INPP4B: variants seen among roughly 807,000 people sequenced by gnomAD.
The protein encoded by INPP4B is inositol polyphosphate-4-phosphatase type II B.
INPP4B carries 55 observed loss-of-function variants against 122.5 expected under a neutral mutation model. The ratio of observed to expected loss-of-function variants is 0.45; its 90% confidence interval spans 0.36 to 0.56. INPP4B has a LOEUF of 0.56. INPP4B is among the 20% of genes least tolerant of loss of function. The probability of loss-of-function intolerance (pLI) is 0.00; values close to 1 mark genes in which losing one functional copy is unlikely to be tolerated. For synonymous variants in INPP4B, 403 were observed against 388.7 expected (o/e 1.04, Z -0.43); for missense variants, 1,000 against 1,097.7 (o/e 0.91, Z 1.26).
intron 2 of INPP4B, among the ~76,000 whole-genome samples, chr4:142,538,617 A>G (rs116402060): frequency 1.2e-4 from 19 of 152,216 alleles, no homozygotes; most frequent in African/African-American, 4.3e-4. Context: ...GCTAAATATT[A>G]TCTTAAAGTA....
chr4:142,652,736 T>C (rs994797979), intron 2 of INPP4B, among the ~76,000 whole-genome samples: 2 of 152,194 alleles, frequency 1.3e-5, no homozygotes, highest in African/African-American at 4.8e-5. Context: ...TGGAAGAACA[T>C]TCCATGCTCA....
At chr4:142,598,472 C>T (rs759455620) in intron 2 of INPP4B, among the ~76,000 whole-genome samples, 17 of 152,118 alleles carry the variant, frequency 1.1e-4, no homozygotes, top group Non-Finnish European at 2.2e-4. Flanking sequence ...CCCCATATAT[C>T]CACATCCTGT....
chr4:142,137,384 T>A (rs1805034215), intron 18 of INPP4B, among the ~76,000 whole-genome samples: 1 of 128,004 alleles, frequency 7.8e-6, no homozygotes, highest in African/African-American at 2.9e-5. Flanking sequence ...AAAAATCAAT[T>A]CAAGATGGAT....
rs2149358765 is a variant in INPP4B at position 142,193,147 on chromosome 4, T to C, written c.1121A>G (p.Gln374Arg). The change falls in exon 15 of 26, where the codon CAG becomes CGG. Residue 374 changes from glutamine to arginine, a missense_variant. Gln to Arg is a conservative substitution (Grantham distance 43, BLOSUM62 1). Transcript: ENST00000262992. Reference protein sequence around the residue: ...ITVGAPAAHFQGFKNGGLRKL... With the variant: ...ITVGAPAAHFRGFKNGGLRKL... ...CCGAAGACCACCATTCTTAAATCCC[T>C]GAAAATGGGCAGCTGGGGCTCCCAC... is the stretch of plus-strand genomic sequence containing the variant. 1 of 1,613,252 alleles carries C rather than the reference T, an allele frequency of 6.2e-7. No homozygotes were observed. Among genetic ancestry groups the C allele is most frequent in the Non-Finnish European group, 8.5e-7 (1 of 1,179,272 alleles).
chr4:142,391,534 C>T (rs1265192113), intron 7 of INPP4B, among the ~76,000 whole-genome samples: 2 of 152,078 alleles, frequency 1.3e-5, no homozygotes, highest in Non-Finnish European at 2.9e-5. Flanking sequence ...TGCACTCCAG[C>T]CTGGGCCAAG....
chr4:142,030,612 G>A (rs1739275967), intron 25 of INPP4B, among the ~76,000 whole-genome samples: 1 of 152,038 alleles, frequency 6.6e-6, no homozygotes, highest in South Asian at 2.1e-4. Flanking sequence ...AAGCATAACA[G>A]CACCAAATCA....
chr4:142,255,981 T>G (rs531613700), intron 11 of INPP4B, among the ~76,000 whole-genome samples: 15,691 of 138,808 alleles, frequency 0.11, 939 homozygotes, highest in East Asian at 0.2. Flanking sequence ...AAATGTAAAG[T>G]AACAGAAATT....
chr4:142,581,243 A>T (rs552924421), intron 2 of INPP4B, among the ~76,000 whole-genome samples: 7 of 152,164 alleles, frequency 4.6e-5, no homozygotes, highest in African/African-American at 1.7e-4. Flanking sequence ...TATATTTCTC[A>T]AAAAGCTTTA....
intron 25 of INPP4B, among the ~76,000 whole-genome samples, chr4:142,039,440 C>T (rs1371187910): frequency 6.6e-6 from 1 of 151,844 alleles, no homozygotes; most frequent in Non-Finnish European, 1.5e-5. Context: ...ATAGGAATAT[C>T]CTCTCATCAG....
At chr4:142,267,445 CA>C in intron 10 of INPP4B, among the ~76,000 whole-genome samples, 1 of 152,116 alleles carries the variant, frequency 6.6e-6, no homozygotes, top group South Asian at 2.1e-4. Context: ...ACAAAGGTAC[CA>C]AAAACACAGA....
intron 2 of INPP4B, among the ~76,000 whole-genome samples, chr4:142,716,362 G>T (rs1401219440): frequency 1.3e-5 from 2 of 152,198 alleles, no homozygotes; most frequent in Non-Finnish European, 2.9e-5. Flanking sequence ...AGTATGGCTA[G>T]ATTCAGTGAC....
rs1385849376 is a variant in INPP4B, at chr4:142,197,795, GT to G, written c.1073-4601del. On this transcript the variant is annotated intron_variant, in intron 14 of 25. Coordinates refer to ENST00000262992, the MANE Select transcript of INPP4B (RefSeq NM_001101669.3). ...TTCAAAATAATACTATAAGATAAAT[GT>G]TATTTCCCCAACTTTATAGATAATA... is the stretch of plus-strand genomic sequence containing the variant. 7.9e-5 allele frequency among the ~76,000 whole-genome samples: 12 copies of G among 152,034 alleles called. 1 individual carries two copies. The highest frequency in any genetic ancestry group is 1.5e-4 in the Non-Finnish European group (10 of 67,970).
intron 11 of INPP4B, among the ~76,000 whole-genome samples, chr4:142,255,347 C>T (rs968482473): frequency 5.3e-5 from 8 of 151,894 alleles, no homozygotes; most frequent in African/African-American, 1.7e-4. Flanking sequence ...CAAATTCACA[C>T]ATAACAATAT....
intron 1 of INPP4B, among the ~76,000 whole-genome samples, chr4:142,738,142 A>T (rs1449539334): frequency 6.6e-6 from 1 of 152,194 alleles, no homozygotes; most frequent in African/African-American, 2.4e-5. Flanking sequence ...TCATGCTGCT[A>T]TAAAGACACA....
chr4:142,246,088 A>G (rs936430970), intron 11 of INPP4B, among the ~76,000 whole-genome samples: 21 of 144,982 alleles, frequency 1.4e-4, no homozygotes, highest in African/African-American at 5.1e-4. Context: ...CATTATATAT[A>G]TGTGTGTGTG....
chr4:142,135,741 A>G (rs545113684), intron 18 of INPP4B, among the ~76,000 whole-genome samples: 1 of 152,202 alleles, frequency 6.6e-6, no homozygotes, highest in East Asian at 1.9e-4. Flanking sequence ...TTTTTCCTTC[A>G]GTGGTGTTGC....
intron 2 of INPP4B, among the ~76,000 whole-genome samples, chr4:142,669,451 G>T (rs1053078683): frequency 6.6e-6 from 1 of 152,104 alleles, no homozygotes; most frequent in African/African-American, 2.4e-5. Context: ...GCATGGTACT[G>T]GCATAAAAAC....
chr4:142,269,488 C>A (rs1476917687), intron 10 of INPP4B, among the ~76,000 whole-genome samples: 1 of 152,020 alleles, frequency 6.6e-6, no homozygotes, highest in Non-Finnish European at 1.5e-5. Flanking sequence ...ATTTTTTTAG[C>A]TTGCATTTGT....
At chr4:142,344,231 T>C (rs1453825762) in intron 7 of INPP4B, among the ~76,000 whole-genome samples, 2 of 152,054 alleles carry the variant, frequency 1.3e-5, no homozygotes, top group East Asian at 1.9e-4. Flanking sequence ...AGAGCATTAG[T>C]CTCCTTAGAA....
Sources: gnomAD v4.1 joint callset for allele counts (sites outside exome capture counted in the v4.1 genomes callset) on GRCh38, gnomAD v4.1.1 for gene constraint, MANE v1.5 for transcripts, NCBI Gene and HGNC (gene_info 2026-07-23, HGNC 2026-07-21) for gene names.